The following ANKFY1 variants were observed in gnomAD, a reference collection of about 807,000 sequenced individuals.
ANKFY1 encodes the protein ankyrin repeat and FYVE domain containing 1, also known as ankyrin repeat and FYVE domain-containing protein 1.
In ANKFY1, 47 loss-of-function variants were observed where a neutral mutation model predicts 128.3. That is an observed-to-expected ratio of 0.37 (90% CI 0.29 to 0.47). The LOEUF is 0.47. ANKFY1 is among the 20% of genes least tolerant of loss of function. The pLI is 1.00. For missense variants in ANKFY1, 1,222 were observed against 1,510.6 expected, an observed-to-expected ratio of 0.81 and a Z score of 3.17; for synonymous variants, 553 against 601.6, an observed-to-expected ratio of 0.92 and a Z score of 1.18.
At chr17:4,210,733 G>A (rs1244778831) in intron 4 of ANKFY1, among the ~76,000 whole-genome samples, 179 of 22,944 alleles carry the variant, frequency 7.8e-3, no homozygotes, top group Non-Finnish European at 0.012. Context: ...AAAAAAAAAA[G>A]CTCTCCTATA....
At chr17:4,218,554 G>T (rs1000074466) in intron 3 of ANKFY1, among the ~76,000 whole-genome samples, 4 of 152,160 alleles carry the variant, frequency 2.6e-5, no homozygotes, top group African/African-American at 9.7e-5. Context: ...CAAGACCAGT[G>T]TGAGCAACAT....
At chr17:4,209,732 CAG>C in intron 5 of ANKFY1, 90 bp downstream of exon 5, 2 of 1,425,100 alleles carry the variant, frequency 1.4e-6, no homozygotes, top group Non-Finnish European at 1.9e-6. Flanking sequence ...AACCAGGTGC[CAG>C]AGAGGTCACT....
intron 10 of ANKFY1, 22 bp from the exon 11 acceptor site, chr17:4,189,501 TG>T: frequency 6.5e-7 from 1 of 1,547,260 alleles, no homozygotes; most frequent in Non-Finnish European, 8.8e-7. Flanking sequence ...TGGGCATTGC[TG>T]ATTCTTCTGT....
chr17:4,177,598 C>T (rs1047807050), intron 18 of ANKFY1, among the ~76,000 whole-genome samples: 21 of 152,294 alleles, frequency 1.4e-4, no homozygotes, highest in African/African-American at 4.1e-4. Flanking sequence ...AAGAAAAAGA[C>T]AATCTGAAGG....
At chr17:4,225,903 G>A (rs760339288) in intron 3 of ANKFY1, among the ~76,000 whole-genome samples, 1 of 152,130 alleles carries the variant, frequency 6.6e-6, no homozygotes, top group Non-Finnish European at 1.5e-5. Flanking sequence ...TGGGACCACA[G>A]GTGAGTGCCA....
At chr17:4,233,503 T>C (rs1480081628) in intron 3 of ANKFY1, among the ~76,000 whole-genome samples, 4 of 152,236 alleles carry the variant, frequency 2.6e-5, no homozygotes, top group Non-Finnish European at 5.9e-5. Flanking sequence ...GTATGTGCAT[T>C]TGTATCTACA....
intron 4 of ANKFY1, among the ~76,000 whole-genome samples, chr17:4,211,852 C>T (rs959686095): frequency 6.6e-6 from 1 of 151,868 alleles, no homozygotes; most frequent in African/African-American, 2.4e-5. Context: ...CACCACTGTA[C>T]GCCTGCCTAG....
chr17:4,197,716 T>A, intron 7 of ANKFY1, 139 bp from the exon 8 acceptor site: 1 of 772,700 alleles, frequency 1.3e-6, no homozygotes, highest in South Asian at 1.7e-5. Flanking sequence ...GGGGCATCTG[T>A]AAGTGGAAAC....
In ANKFY1 at chr17:4,242,273, G is replaced by A. The variant is rs765396272; in HGVS notation, c.186C>T (p.Tyr62=). 34 of 1,585,216 alleles carry A rather than the reference G, an allele frequency of 2.1e-5. No homozygotes were observed. The highest frequency in any genetic ancestry group is 1.9e-4 in the African/African-American group (14 of 73,044). Residue 62 remains tyrosine (Y), a synonymous_variant, in exon 2 of 25, where the codon TAC becomes TAT. Coordinates refer to ENST00000341657, the MANE Select transcript of ANKFY1 (RefSeq NM_001330063.2). ...SRLLAIVADL[Y]EQEQYSDLKI... ...TCTCCCACCTGTACTGCTCCTGCTCGTAGAGGTCTGCCACGATGGCCAGCA... is the reference window on the plus strand; with the variant it reads ...TCTCCCACCTGTACTGCTCCTGCTCATAGAGGTCTGCCACGATGGCCAGCA...
intron 12 of ANKFY1, 111 bp from the exon 13 acceptor site, chr17:4,184,021 G>A (rs1297353226): frequency 7.2e-6 from 6 of 828,482 alleles, no homozygotes; most frequent in African/African-American, 1.7e-5. Context: ...TATGATCAAT[G>A]CTATAAAAAG....
At chr17:4,170,298 G>T (rs2059292743) in intron 23 of ANKFY1, among the ~76,000 whole-genome samples, 1 of 152,188 alleles carries the variant, frequency 6.6e-6, no homozygotes, top group Non-Finnish European at 1.5e-5. Context: ...AAATCAGGAG[G>T]GAAGCACTCC....
intron 24 of ANKFY1, among the ~76,000 whole-genome samples, chr17:4,168,537 C>T (rs575897839): frequency 2.0e-5 from 3 of 151,992 alleles, no homozygotes; most frequent in African/African-American, 4.8e-5. Flanking sequence ...CTGTGGGCCA[C>T]GCTGGAGTGC....
At chr17:4,206,210 T>C in intron 7 of ANKFY1, 111 bp downstream of exon 7, 3 of 1,150,844 alleles carry the variant, frequency 2.6e-6, no homozygotes, top group Admixed American at 2.0e-5. Flanking sequence ...AGCCTGTGAG[T>C]ACAGACTACA....
intron 4 of ANKFY1, among the ~76,000 whole-genome samples, chr17:4,215,653 G>GC (rs2060209644): frequency 6.6e-6 from 1 of 152,110 alleles, no homozygotes; most frequent in Non-Finnish European, 1.5e-5. Flanking sequence ...ACAAAATTAA[G>GC]CATCTGGTAA....
intron 23 of ANKFY1, among the ~76,000 whole-genome samples, chr17:4,170,498 C>T (rs1381780171): frequency 1.3e-5 from 2 of 152,128 alleles, no homozygotes; most frequent in Non-Finnish European, 2.9e-5. Context: ...GGGAAATGCA[C>T]AAGGCAGAGT....
chr17:4,250,902 TG>T (rs1967792789), intron 1 of ANKFY1, among the ~76,000 whole-genome samples: 2 of 152,160 alleles, frequency 1.3e-5, no homozygotes, highest in East Asian at 3.9e-4. Context: ...TTTAAACTGC[TG>T]GGATTACATG....
intron 2 of ANKFY1, among the ~76,000 whole-genome samples, chr17:4,238,152 TA>T (rs55944256): frequency 0.44 from 40,619 of 92,670 alleles, 8,636 homozygotes; most frequent in East Asian, 0.66. Context: ...CTTATTTATT[TA>T]AAAAAAAAAA....
In ANKFY1 at chr17:4,173,391, T is replaced by C. The variant is rs372726110; in HGVS notation, c.2977A>G (p.Thr993Ala). 12 of 1,614,024 alleles carry C rather than the reference T, an allele frequency of 7.4e-6. No homozygotes were observed. The African/African-American group carries it at 1.5e-4, about 20-fold the overall frequency. ...GRLNNIRVLL[T>A]ECTVDAEAFN... Reference sequence around the variant, plus strand: ...GCTTCGGCGTCCACTGTGCACTCTGTCAGGAGAACCCGGATGTTGTTGAGC... The same window carrying C: ...GCTTCGGCGTCCACTGTGCACTCTGCCAGGAGAACCCGGATGTTGTTGAGC... The change falls in exon 21 of 25, where the codon ACA (threonine) becomes GCA (alanine). Residue 993 changes from threonine to alanine, a missense_variant. Physicochemically the swap from Thr to Ala is moderately conservative, Grantham distance 58. Coordinates refer to ENST00000341657, the MANE Select transcript of ANKFY1 (RefSeq NM_001330063.2).
At chr17:4,261,810 G>A (rs1173370030) in intron 1 of ANKFY1, among the ~76,000 whole-genome samples, 1 of 152,158 alleles carries the variant, frequency 6.6e-6, no homozygotes, top group Non-Finnish European at 1.5e-5. Flanking sequence ...GTGCAAAAGC[G>A]CCAGACTACC....
Sources: allele counts gnomAD v4.1 joint callset (sites outside exome capture counted in the v4.1 genomes callset), GRCh38; gene constraint gnomAD v4.1.1; transcripts MANE v1.5; gene names NCBI Gene and HGNC (gene_info 2026-07-23, HGNC 2026-07-21).